Variants in TIPIN observed in about 807,000 individuals in gnomAD.
TIPIN encodes TIMELESS-interacting protein.
In TIPIN, 29 loss-of-function variants were observed where a neutral mutation model predicts 35.6. The ratio of observed to expected loss-of-function variants is 0.82; its 90% confidence interval spans 0.61 to 1.11. TIPIN has a LOEUF of 1.11. Ranked by LOEUF, TIPIN falls within the 50% of genes most tolerant of loss-of-function variation. The pLI is 0.00. For missense variants in TIPIN, 296 were observed against 345.4 expected (o/e 0.86, Z 1.13); for synonymous variants, 102 against 121.5 (o/e 0.84, Z 1.06).
intron 1 of TIPIN, among the ~76,000 whole-genome samples, chr15:66,378,360 C>T (rs1000342997): frequency 2.0e-5 from 3 of 152,202 alleles, no homozygotes; most frequent in African/African-American, 7.2e-5. Context: ...TTGTCTCCAT[C>T]TCCTGACCTC....
intron 1 of TIPIN, among the ~76,000 whole-genome samples, chr15:66,361,767 G>A (rs1317262177): frequency 2.6e-5 from 4 of 152,032 alleles, no homozygotes; most frequent in African/African-American, 9.7e-5. Context: ...CAGCACTTTG[G>A]GAGGCTGAGG....
rs772682922 is a variant in TIPIN, at chr15:66,336,906, G to A, written c.*52C>T. The A allele has an allele frequency of 3.6e-5, 55 of 1,521,564 alleles. 1 individual carries two copies. Among genetic ancestry groups the A allele is most frequent in the South Asian group, 5.8e-5 (5 of 86,110 alleles). 94.3% of individuals were successfully genotyped at this position (1,521,564 alleles called of 1,614,324 possible). On this transcript the variant is annotated 3_prime_UTR_variant, in exon 8 of 8. Transcript: ENST00000261881. ...CCAAGAAGAAAAAATACATAGTAAC[G>A]CCAAGCTTGCAGGACGATGACTTAA... is the stretch of plus-strand genomic sequence containing the variant.
chr15:66,375,003 G>A (rs1012707884), intron 1 of TIPIN, among the ~76,000 whole-genome samples: 2 of 152,148 alleles, frequency 1.3e-5, no homozygotes, highest in Admixed American at 1.3e-4. Context: ...GAGCCACTGT[G>A]TCTGGCTTTG....
At chr15:66,340,603 TTC>T in intron 7 of TIPIN, among the ~76,000 whole-genome samples, 1 of 152,176 alleles carries the variant, frequency 6.6e-6, no homozygotes, top group East Asian at 1.9e-4. Flanking sequence ...TTAAAATAAA[TTC>T]TTTTTTTTTT....
chr15:66,380,596 C>T (rs2093315394), intron 1 of TIPIN, among the ~76,000 whole-genome samples: 1 of 152,028 alleles, frequency 6.6e-6, no homozygotes, highest in Admixed American at 6.6e-5. Flanking sequence ...GGGTGAATCA[C>T]CTGAGGTCAG....
At chr15:66,379,767 T>A in intron 1 of TIPIN, 4 of 1,604,586 alleles carry the variant, frequency 2.5e-6, no homozygotes, top group Non-Finnish European at 2.5e-6. Context: ...TTTTTTTTTC[T>A]TTCCAAGAAG....
chr15:66,365,792 G>A (rs572148573), intron 1 of TIPIN, among the ~76,000 whole-genome samples: 11 of 152,192 alleles, frequency 7.2e-5, no homozygotes, highest in Non-Finnish European at 1.3e-4. Context: ...TGATCTGCCC[G>A]CCTCAGCCTC....
At chr15:66,384,223 T>C (rs1461494915) in intron 1 of TIPIN, among the ~76,000 whole-genome samples, 1 of 151,704 alleles carries the variant, frequency 6.6e-6, no homozygotes, top group Non-Finnish European at 1.5e-5. Context: ...GGTCTCGATT[T>C]CCTGACCTCG....
upstream of TIPIN, among the ~76,000 whole-genome samples, chr15:66,358,036 T>C (rs1489605461): frequency 6.6e-6 from 1 of 152,180 alleles, no homozygotes; most frequent in Non-Finnish European, 1.5e-5. Flanking sequence ...CGCAGGAGGA[T>C]TGTTTGAGCC....
chr15:66,359,252 CTA>C (rs1367657899), upstream of TIPIN, among the ~76,000 whole-genome samples: 3 of 151,938 alleles, frequency 2.0e-5, no homozygotes, highest in African/African-American at 7.3e-5. Flanking sequence ...GCACATGTAT[CTA>C]TGTGTCACAT....
chr15:66,363,752 G>A (rs2093241203), intron 1 of TIPIN, among the ~76,000 whole-genome samples: 1 of 151,676 alleles, frequency 6.6e-6, no homozygotes, highest in East Asian at 1.9e-4. Context: ...GGAGGCCAAG[G>A]TGGGTGGATC....
At chr15:66,367,645 G>T (rs572173608) in intron 1 of TIPIN, among the ~76,000 whole-genome samples, 1 of 151,106 alleles carries the variant, frequency 6.6e-6, no homozygotes, top group East Asian at 1.9e-4. Context: ...TGCCTGCCTC[G>T]GCCTCCCAAA....
rs4074533 is a variant in TIPIN, at chr15:66,376,594, A to T, written c.-9+10013T>A. Among the ~76,000 whole-genome samples, 763 of 151,282 alleles carry T rather than the reference A, an allele frequency of 5.0e-3. 7 individuals carry two copies. The highest frequency in any genetic ancestry group is 0.018 in the African/African-American group (732 of 41,266). On this transcript the variant is annotated intron_variant, in intron 1 of 7. Coordinates refer to the TIPIN transcript ENST00000562124. The stretch of plus-strand genomic sequence containing the variant: ...CAGGCGTCTACCACCAAGCCTGGCT[A>T]ATTTTTTGTATTTTTAGTAGAGATG...
At chr15:66,379,624 A>G in intron 1 of TIPIN, 1 of 1,609,002 alleles carries the variant, frequency 6.2e-7, no homozygotes, top group South Asian at 1.1e-5. Context: ...ATGGGGAAGT[A>G]AGCATACACA....
At chr15:66,384,774 TG>T (rs1218789763) in intron 1 of TIPIN, among the ~76,000 whole-genome samples, 4 of 151,774 alleles carry the variant, frequency 2.6e-5, no homozygotes, top group Non-Finnish European at 4.4e-5. Flanking sequence ...TAGCCAGGCA[TG>T]GTGGTGCATG....
At chr15:66,371,025 A>G (rs1748141390) in intron 1 of TIPIN, among the ~76,000 whole-genome samples, 1 of 152,188 alleles carries the variant, frequency 6.6e-6, no homozygotes, top group South Asian at 2.1e-4. Context: ...AGCCTGGCCA[A>G]CATGGTGAAA....
At chr15:66,344,864 C>A (rs2093113413) in intron 6 of TIPIN, among the ~76,000 whole-genome samples, 1 of 151,984 alleles carries the variant, frequency 6.6e-6, no homozygotes, top group South Asian at 2.1e-4. Flanking sequence ...GAGGCCCTGC[C>A]TCGAAAAGAA....
chr15:66,367,190 C>CTATATCTATATCTATATT lies in TIPIN; in HGVS notation c.-8-14236_-8-14235insAATATAGATATAGATATA, dbSNP rs1156402226. On this transcript the variant is annotated intron_variant, in intron 1 of 7. Transcript: ENST00000562124. ...GCAAGACTCTGTCTCAAAAAAAAAT[C>CTATATCTATATCTATATT]TATATCTATATCTATATCTATATCT... Among the ~76,000 whole-genome samples the CTATATCTATATCTATATT allele has an allele frequency of 2.8e-5, 3 of 105,886 alleles. 1 individual carries two copies. The highest frequency in any genetic ancestry group is 5.4e-5 in the Non-Finnish European group (3 of 55,624). 69.5% of individuals were successfully genotyped at this position (105,886 alleles called of 152,430 possible). A position where few individuals can be genotyped will look rare whatever the true frequency, so the allele number is the denominator to read the frequency against.
intron 7 of TIPIN, among the ~76,000 whole-genome samples, chr15:66,340,080 G>A (rs956298185): frequency 1.3e-5 from 2 of 151,220 alleles, no homozygotes; most frequent in Non-Finnish European, 2.9e-5. Context: ...CACCATGTTG[G>A]CCAGGATGGT....
Sources: gnomAD v4.1 joint callset for allele counts (sites outside exome capture counted in the v4.1 genomes callset) on GRCh38, gnomAD v4.1.1 for gene constraint, MANE v1.5 for transcripts, NCBI Gene and HGNC (gene_info 2026-07-23, HGNC 2026-07-21) for gene names.